The following OSBPL11 variants were observed in gnomAD, a reference collection of about 807,000 sequenced individuals.
The protein encoded by OSBPL11 is oxysterol binding protein like 11.
A neutral mutation model predicts 84.4 loss-of-function variants in OSBPL11; 33 were observed. The ratio of observed to expected loss-of-function variants is 0.39; its 90% CI spans 0.30 to 0.52. The LOEUF (loss-of-function observed/expected upper bound fraction) is 0.52. OSBPL11 is among the 20% of genes least tolerant of loss of function. The pLI is 0.72. For synonymous variants in OSBPL11, 276 were observed against 310.2 expected (o/e 0.89, Z 1.16); for missense variants, 736 against 901.1 (o/e 0.82, Z 2.35).
chr3:125,593,143 G>A (rs1045148505), intron 1 of OSBPL11, among the ~76,000 whole-genome samples: 1 of 152,102 alleles, frequency 6.6e-6, no homozygotes, highest in Non-Finnish European at 1.5e-5. Context: ...GAATGCCAGG[G>A]CCGCGGCGGC....
At chr3:125,567,846 T>G (rs952355202) in intron 5 of OSBPL11, among the ~76,000 whole-genome samples, 1 of 151,600 alleles carries the variant, frequency 6.6e-6, no homozygotes, top group Non-Finnish European at 1.5e-5. Context: ...TTTTAAAAAT[T>G]AGTCAGGCCT....
chr3:125,557,791 CTTTTTTTTTTTT>C (rs11295103), intron 8 of OSBPL11, among the ~76,000 whole-genome samples: 1 of 81,976 alleles, frequency 1.2e-5, no homozygotes, highest in Admixed American at 1.7e-4. Context: ...ATACAACTTT[CTTTTTTTTTTTT>C]TTTTTTTTTT....
rs889376551 is a variant in OSBPL11 at position 125,595,352 on chromosome 3, G to A, written c.-552C>T. 8.5e-5 allele frequency among the ~76,000 whole-genome samples: 13 copies of A among 152,246 alleles called. No individual in the cohort carries two copies. Among genetic ancestry groups the A allele is most frequent in the Non-Finnish European group, 1.2e-4 (8 of 67,990 alleles). ...GTCGGGGAATGAGGCCGCCGGGGGC[G>A]GGACGCCGGCTCCCGGGGCCGCCTC... On this transcript the variant is annotated 5_prime_UTR_variant, in exon 1 of 13. Transcript: ENST00000296220.
intron 10 of OSBPL11, among the ~76,000 whole-genome samples, chr3:125,546,901 C>T (rs928432197): frequency 2.8e-5 from 4 of 140,672 alleles, no homozygotes; most frequent in Admixed American, 1.4e-4. Flanking sequence ...AAACAAATGA[C>T]AAAAAAAAAA....
intron 7 of OSBPL11, among the ~76,000 whole-genome samples, chr3:125,561,715 T>C (rs1410970641): frequency 2.0e-5 from 3 of 152,244 alleles, no homozygotes; most frequent in African/African-American, 4.8e-5. Flanking sequence ...CAATTTACAC[T>C]GCATTCTATG....
At chr3:125,549,429 C>T (rs1559838059) in intron 9 of OSBPL11, among the ~76,000 whole-genome samples, 1 of 152,098 alleles carries the variant, frequency 6.6e-6, no homozygotes, top group Non-Finnish European at 1.5e-5. Context: ...ATTTACATAC[C>T]TCCTTTATAA....
chr3:125,532,357 T>C (rs1935570849), intron 11 of OSBPL11, among the ~76,000 whole-genome samples: 1 of 152,140 alleles, frequency 6.6e-6, no homozygotes, highest in African/African-American at 2.4e-5. Context: ...CTGGACATGA[T>C]GAAATAATGG....
chr3:125,542,851 G>C (rs1165057404), intron 10 of OSBPL11, among the ~76,000 whole-genome samples: 1 of 151,964 alleles, frequency 6.6e-6, no homozygotes, highest in African/African-American at 2.4e-5. Context: ...CTCCATGTTG[G>C]TCAGGTTGGT....
At chr3:125,588,010 T>C (rs1406056269) in intron 1 of OSBPL11, among the ~76,000 whole-genome samples, 5 of 151,992 alleles carry the variant, frequency 3.3e-5, no homozygotes. Flanking sequence ...TCACTTGAGG[T>C]CAGGAGTTCA....
intron 1 of OSBPL11, among the ~76,000 whole-genome samples, chr3:125,590,896 C>G (rs1936586357): frequency 6.6e-6 from 1 of 152,086 alleles, no homozygotes; most frequent in Non-Finnish European, 1.5e-5. Flanking sequence ...AAAGTTCTCC[C>G]ACTTACTAGC....
chr3:125,556,515 C>G (rs1935993601), intron 8 of OSBPL11, among the ~76,000 whole-genome samples: 1 of 152,190 alleles, frequency 6.6e-6, no homozygotes, highest in Non-Finnish European at 1.5e-5. Flanking sequence ...GCCCACATTC[C>G]TCCTGTAGCT....
At position 125,547,595 on chromosome 3, in the gene OSBPL11, G is replaced by A. The variant is rs1324066255; in HGVS notation, c.1655-3C>T. On this transcript the variant is annotated splice_region_variant and splice_polypyrimidine_tract_variant and intron_variant, in intron 9 of 12. Coordinates refer to ENST00000296220, the MANE Select transcript of OSBPL11 (RefSeq NM_022776.5). The stretch of plus-strand genomic sequence containing the variant: ...ATGCTCCAACAGACTAAGGATACCT[G>A]AATGTGAAAACATGAGGGTGGTTAA... 1 of 1,582,114 alleles carries A rather than the reference G, an allele frequency of 6.3e-7. No individual in the cohort carries two copies. Among genetic ancestry groups the A allele is most frequent in the Non-Finnish European group, 8.6e-7 (1 of 1,163,402 alleles).
chr3:125,582,758 A>C (rs571443088), intron 2 of OSBPL11, 152 bp downstream of exon 2: 1 of 637,086 alleles, frequency 1.6e-6, no homozygotes, highest in African/African-American at 2.0e-5. Flanking sequence ...CCCTCTAAGA[A>C]GAAGTCACCA....
intron 1 of OSBPL11, among the ~76,000 whole-genome samples, chr3:125,589,638 C>G (rs1055830972): frequency 6.7e-6 from 1 of 148,810 alleles, no homozygotes; most frequent in Admixed American, 6.7e-5. Context: ...AAAAAGCAGA[C>G]ATTTATGACT....
chr3:125,572,960 TATAA>T (rs1482820271), intron 5 of OSBPL11, among the ~76,000 whole-genome samples: 6 of 147,514 alleles, frequency 4.1e-5, no homozygotes, highest in African/African-American at 1.5e-4. Flanking sequence ...GACTGCAAGA[TATAA>T]ATATAGTAAG....
chr3:125,557,791 CTTTTTT>C (rs11295103), intron 8 of OSBPL11, among the ~76,000 whole-genome samples: 2 of 81,952 alleles, frequency 2.4e-5, no homozygotes, highest in East Asian at 3.4e-4. Flanking sequence ...ATACAACTTT[CTTTTTT>C]TTTTTTTTTT....
chr3:125,580,865 T>C (rs1207812369), intron 2 of OSBPL11, among the ~76,000 whole-genome samples: 1 of 152,098 alleles, frequency 6.6e-6, no homozygotes, highest in Non-Finnish European at 1.5e-5. Context: ...TGTGAATGAA[T>C]CATTAAATAA....
Position 125,552,353 on chromosome 3 carries a change from C to T in OSBPL11, c.1482G>A (p.Gln494=). Residue 494 remains glutamine (Q), a synonymous_variant, in exon 9 of 13, where the codon CAG becomes CAA. Transcript: ENST00000296220. The part of the protein sequence containing the change: ...HAPLSGESLT[Q]VGSDCYTVRF... Reference sequence around the variant, plus strand: ...TGACTGTGTAACAGTCTGATCCCACCTGGGTCAAAGACTCCCCCGATAAAG... The same window carrying T: ...TGACTGTGTAACAGTCTGATCCCACTTGGGTCAAAGACTCCCCCGATAAAG... The T allele has an allele frequency of 6.2e-7, 1 of 1,614,080 alleles. No homozygotes were observed. Among genetic ancestry groups the T allele is most frequent in the Non-Finnish European group, 8.5e-7 (1 of 1,180,018 alleles).
At chr3:125,540,720 T>C (rs1338066149) in intron 10 of OSBPL11, among the ~76,000 whole-genome samples, 4 of 152,224 alleles carry the variant, frequency 2.6e-5, no homozygotes, top group Non-Finnish European at 5.9e-5. Flanking sequence ...CTCAAGTTAC[T>C]GTTGTCTCCC....
Sources: gnomAD v4.1 joint callset for allele counts (sites outside exome capture counted in the v4.1 genomes callset) on GRCh38, gnomAD v4.1.1 for gene constraint, MANE v1.5 for transcripts, NCBI Gene and HGNC (gene_info 2026-07-23, HGNC 2026-07-21) for gene names.